ANO10: variants seen among roughly 807,000 people sequenced by gnomAD.
The protein encoded by ANO10 is anoctamin-10.
ANO10 carries 77 observed loss-of-function variants against 74.7 expected under a neutral mutation model. That is an observed-to-expected ratio of 1.03 (90% CI 0.86 to 1.25). The LOEUF (loss-of-function observed/expected upper bound fraction) is 1.25. Among genes scored for constraint, ANO10 ranks in the 50% most tolerant of loss-of-function variants. ANO10 has a pLI of 0.00. For synonymous variants in ANO10, 279 were observed against 284.9 expected, an observed-to-expected ratio of 0.98 and a Z score of 0.21; for missense variants, 721 against 778.1, an observed-to-expected ratio of 0.93 and a Z score of 0.87.
At chr3:43,621,221 G>A (rs1288262173) in intron 1 of ANO10, among the ~76,000 whole-genome samples, 1 of 152,166 alleles carries the variant, frequency 6.6e-6, no homozygotes, top group Non-Finnish European at 1.5e-5. Context: ...CTGGTGCTGT[G>A]AAGGCACCCA....
At chr3:43,439,789 G>A (rs970745593) in intron 11 of ANO10, among the ~76,000 whole-genome samples, 2 of 152,114 alleles carry the variant, frequency 1.3e-5, no homozygotes, top group South Asian at 4.1e-4. Context: ...GCTGGGGTGG[G>A]AGGATCACCT....
At chr3:43,675,672 T>C (rs534736166) in intron 1 of ANO10, among the ~76,000 whole-genome samples, 13 of 152,024 alleles carry the variant, frequency 8.6e-5, no homozygotes, top group Non-Finnish European at 1.8e-4. Flanking sequence ...CAATGGGACA[T>C]TGTGACTTTA....
chr3:43,591,497 G>A (rs543636108), intron 4 of ANO10, among the ~76,000 whole-genome samples: 5 of 152,302 alleles, frequency 3.3e-5, no homozygotes, highest in African/African-American at 1.2e-4. Flanking sequence ...GAGAACAAAA[G>A]ACTTGCCCCC....
intron 7 of ANO10, among the ~76,000 whole-genome samples, 189 bp from the exon 8 acceptor site, chr3:43,565,916 T>TGA (rs1202045820): frequency 1.8e-4 from 27 of 152,236 alleles, no homozygotes; most frequent in African/African-American, 6.5e-4. Flanking sequence ...CATTTACATC[T>TGA]GAGGTACCGG....
chr3:43,679,522 T>C (rs1484314317), intron 1 of ANO10, among the ~76,000 whole-genome samples: 2 of 152,182 alleles, frequency 1.3e-5, no homozygotes, highest in African/African-American at 4.8e-5. Context: ...GGGCAGGGCA[T>C]AGCCAAACAA....
chr3:43,527,960 C>A (rs571069748), intron 11 of ANO10, among the ~76,000 whole-genome samples: 1 of 152,152 alleles, frequency 6.6e-6, no homozygotes, highest in Non-Finnish European at 1.5e-5. Flanking sequence ...CAGGTATCTC[C>A]TGGAGGCTGA....
intron 11 of ANO10, among the ~76,000 whole-genome samples, chr3:43,497,039 G>A (rs2076942953): frequency 6.6e-6 from 1 of 152,158 alleles, no homozygotes; most frequent in Admixed American, 6.5e-5. Context: ...GATGGGACTG[G>A]GTTAGCAATT....
intron 11 of ANO10, among the ~76,000 whole-genome samples, chr3:43,511,241 T>C (rs1168000592): frequency 6.6e-6 from 1 of 152,242 alleles, no homozygotes; most frequent in Non-Finnish European, 1.5e-5. Flanking sequence ...ATGGTTGTTT[T>C]AGCTTTTTTA....
chr3:43,552,726 ATATGTATG>A (rs1182501393), intron 10 of ANO10, among the ~76,000 whole-genome samples: 2,647 of 95,158 alleles, frequency 0.028, 33 homozygotes, highest in Non-Finnish European at 0.04. Flanking sequence ...ATATATATAT[ATATGTATG>A]TATGTATGTA....
At chr3:43,500,138 GC>G (rs1455191082) in intron 11 of ANO10, among the ~76,000 whole-genome samples, 1 of 152,072 alleles carries the variant, frequency 6.6e-6, no homozygotes, top group Non-Finnish European at 1.5e-5. Context: ...GAGCCACTGC[GC>G]CCAGCCCCAT....
chr3:43,380,630 CA>C (rs2091934011), intron 12 of ANO10, among the ~76,000 whole-genome samples: 1 of 152,120 alleles, frequency 6.6e-6, no homozygotes, highest in Non-Finnish European at 1.5e-5. Context: ...CTTTTTCAGA[CA>C]AACAAATGCT....
chr3:43,551,650 C>T, intron 10 of ANO10: 1 of 435,990 alleles, frequency 2.3e-6, no homozygotes, highest in Non-Finnish European at 4.6e-6. Context: ...TTTAAGATTG[C>T]TATGTCTTCC....
chr3:43,668,483 G>A (rs1220911122), intron 1 of ANO10, among the ~76,000 whole-genome samples: 1 of 151,998 alleles, frequency 6.6e-6, no homozygotes, highest in Non-Finnish European at 1.5e-5. Context: ...GGGGGTCTTA[G>A]CCATGAATTC....
At chr3:43,526,436 A>G (rs771903445) in intron 11 of ANO10, among the ~76,000 whole-genome samples, 3 of 152,222 alleles carry the variant, frequency 2.0e-5, no homozygotes, top group African/African-American at 4.8e-5. Context: ...ACGGCAACAC[A>G]GAGGATTAAC....
At chr3:43,549,881 C>T in intron 10 of ANO10, 33 bp from the exon 11 acceptor site, 4 of 1,611,168 alleles carry the variant, frequency 2.5e-6, no homozygotes, top group South Asian at 1.1e-5. Flanking sequence ...TTAAAAATTG[C>T]AATGACTGCT....
chr3:43,392,132 TTC>T (rs1207081429), intron 12 of ANO10, among the ~76,000 whole-genome samples: 1 of 152,112 alleles, frequency 6.6e-6, no homozygotes, highest in Non-Finnish European at 1.5e-5. Context: ...ATTATTTAAC[TTC>T]TCTCTCTCAA....
At chr3:43,690,169 C>G (rs1265535052) in intron 1 of ANO10, 1 of 152,328 alleles carries the variant, frequency 6.6e-6, no homozygotes, top group Non-Finnish European at 1.5e-5. Flanking sequence ...AAGCGATTCT[C>G]CTACCTCAGG....
intron 11 of ANO10, among the ~76,000 whole-genome samples, chr3:43,447,329 A>C (rs1419917211): frequency 1.3e-5 from 2 of 152,174 alleles, no homozygotes; most frequent in Non-Finnish European, 2.9e-5. Context: ...TCAACAGCTG[A>C]ATATGAGACT....
intron 12 of ANO10, among the ~76,000 whole-genome samples, chr3:43,377,530 C>T (rs1012889281): frequency 6.6e-6 from 1 of 152,206 alleles, no homozygotes; most frequent in African/African-American, 2.4e-5. Flanking sequence ...AGCCAGAGAA[C>T]CCCCTATGTT....
Sources: gnomAD v4.1 joint callset for allele counts (sites outside exome capture counted in the v4.1 genomes callset) on GRCh38, gnomAD v4.1.1 for gene constraint, MANE v1.5 for transcripts, NCBI Gene and HGNC (gene_info 2026-07-23, HGNC 2026-07-21) for gene names.